The following OR52B6 variants were observed in gnomAD, a reference collection of about 807,000 sequenced individuals.
OR52B6 encodes olfactory receptor family 52 subfamily B member 6, also known as olfactory receptor 52B6.
For missense variants in OR52B6, 433 were observed against 416.8 expected (o/e 1.04, Z -0.34); for synonymous variants, 169 against 160.0 (o/e 1.06, Z -0.42).
chr11:5,581,435 T>C lies in OR52B6; in HGVS notation c.559T>C (p.Tyr187His), dbSNP rs781412409. The C allele has an allele frequency of 2.5e-6, 4 of 1,614,124 alleles. No homozygotes were observed. The Admixed American group carries it at 6.7e-5, about 27-fold the overall frequency. Reference sequence around the variant, plus strand: ...CATCTTTCTCCTTGAGCACCTGCACTATTGCCAGATCAATATCATTGCACA... The same window carrying C: ...CATCTTTCTCCTTGAGCACCTGCACCATTGCCAGATCAATATCATTGCACA... ...PSIFLLEHLH[Y>H]CQINIIAHTF... Residue 187 changes from tyrosine (Y) to histidine (H), a missense_variant, in exon 1 of 1, where the codon TAT (tyrosine) becomes CAT (histidine). Transcript: ENST00000345043.
In OR52B6 at chr11:5,581,076, G is replaced by C. The variant is rs764615569; in HGVS notation, c.200G>C (p.Cys67Ser). ...CTGGAAGGCAATGGCATCCTAATTT[G>C]TGTCATCCTCTCCCAGGCAATCCTG... Reference protein sequence around the residue: ...TALEGNGILICVILSQAILHE... With the variant: ...TALEGNGILISVILSQAILHE... The change falls in exon 1 of 1, where the codon TGT (cysteine) becomes TCT (serine). Residue 67 changes from cysteine to serine, a missense_variant. Cys to Ser is a moderately radical substitution (Grantham distance 112, BLOSUM62 -1). Transcript: ENST00000345043. The C allele has an allele frequency of 6.2e-6, 10 of 1,613,986 alleles. No individual in the cohort carries two copies. The highest frequency in any genetic ancestry group is 1.7e-4 in the Middle Eastern group (1 of 6,060).
In OR52B6 at chr11:5,581,094, C is replaced by A. The variant is rs1847161212; in HGVS notation, c.218C>A (p.Ala73Glu). Residue 73 changes from alanine (A) to glutamate (E), a missense_variant, in exon 1 of 1, where the codon GCA (alanine) becomes GAA (glutamate). Physicochemically the swap from Ala to Glu is moderately radical, Grantham distance 107 (BLOSUM62 -1). Transcript: ENST00000345043. Reference sequence around the variant, plus strand: ...CTAATTTGTGTCATCCTCTCCCAGGCAATCCTGCATGAGCCCATGTACATA... The same window carrying A: ...CTAATTTGTGTCATCCTCTCCCAGGAAATCCTGCATGAGCCCATGTACATA... The part of the protein sequence containing the change: ...GILICVILSQ[A>E]ILHEPMYIFL... 1 of 1,614,064 alleles carries A rather than the reference C, an allele frequency of 6.2e-7. No individual in the cohort carries two copies. The highest frequency in any genetic ancestry group is 1.1e-5 in the South Asian group (1 of 91,084).
At position 5,581,272 on chromosome 11, in the gene OR52B6, T is replaced by C; in HGVS notation, c.396T>C (p.Ala132=). 6.2e-7 allele frequency: 1 copy of C among 1,614,172 alleles called. No individual in the cohort carries two copies. Among genetic ancestry groups the C allele is most frequent in the African/African-American group, 1.3e-5 (1 of 75,070 alleles). The change falls in exon 1 of 1, where the codon GCT becomes GCC. Residue 132 remains alanine (A), a synonymous_variant. Coordinates refer to ENST00000345043, the MANE Select transcript of OR52B6 (RefSeq NM_001005162.2). ...FFIHFLFIHS[A]VLLAMAFDRY... is the part of the protein sequence containing the mutation. ...TTCACTTCCTCTTCATTCACTCTGC[T>C]GTCCTGCTGGCCATGGCCTTTGACC...
rs765465772 is a variant in OR52B6 at position 5,581,370 on chromosome 11, C to A, written c.494C>A (p.Thr165Asn). 6.2e-6 allele frequency: 10 copies of A among 1,613,436 alleles called. No individual in the cohort carries two copies. The highest frequency in any genetic ancestry group is 8.5e-6 in the Non-Finnish European group (10 of 1,179,730). The change falls in exon 1 of 1, where the codon ACT becomes AAT. Residue 165 changes from threonine to asparagine, a missense_variant. Coordinates refer to ENST00000345043, the MANE Select transcript of OR52B6 (RefSeq NM_001005162.2). Reference protein sequence around the residue: ...LTSKVIGKIVTAALSHSFIIM... With the variant: ...LTSKVIGKIVNAALSHSFIIM... ...AGCAAGGTCATTGGGAAGATCGTCA[C>A]TGCCGCCCTGAGCCACAGCTTCATC...
chr11:5,581,853 T>A lies in OR52B6; in HGVS notation c.977T>A (p.Met326Lys), dbSNP rs758282617. The change falls in exon 1 of 1, where the codon ATG (methionine) becomes AAG (lysine). Residue 326 changes from methionine (M) to lysine (K), a missense_variant. Coordinates refer to ENST00000345043, the MANE Select transcript of OR52B6 (RefSeq NM_001005162.2). Reference sequence around the variant, plus strand: ...CCAATACTGGAAGGGGCTAAGCAGATGTTTTCAAATCTTGCCAAAGGATCT... The same window carrying A: ...CCAATACTGGAAGGGGCTAAGCAGAAGTTTTCAAATCTTGCCAAAGGATCT... ...TKPILEGAKQ[M>K]FSNLAKGSK 55 of 1,590,558 alleles carry A rather than the reference T, an allele frequency of 3.5e-5. No homozygotes were observed. In the South Asian group the frequency reaches 4.7e-4, roughly 14 times the overall value.
Position 5,581,077 on chromosome 11 carries a change from T to C in OR52B6, c.201T>C (p.Cys67=). The change falls in exon 1 of 1, where the codon TGT becomes TGC. Residue 67 remains cysteine, a synonymous_variant. Coordinates refer to ENST00000345043, the MANE Select transcript of OR52B6 (RefSeq NM_001005162.2). The part of the protein sequence containing the change: ...TALEGNGILI[C]VILSQAILHE... ...TGGAAGGCAATGGCATCCTAATTTG[T>C]GTCATCCTCTCCCAGGCAATCCTGC... 1 of 1,614,058 alleles carries C rather than the reference T, an allele frequency of 6.2e-7. No homozygotes were observed. The highest frequency in any genetic ancestry group is 8.5e-7 in the Non-Finnish European group (1 of 1,179,914).
chr11:5,581,453 A>G lies in OR52B6; in HGVS notation c.577A>G (p.Ile193Val). ...EHLHYCQINI[I>V]AHTFCEHMGI... ...CCTGCACTATTGCCAGATCAATATC[A>G]TTGCACACACATTTTGTGAGCACAT... Residue 193 changes from isoleucine to valine, a missense_variant, in exon 1 of 1, where the codon ATT (isoleucine) becomes GTT (valine). Ile to Val is a conservative substitution (Grantham distance 29). Transcript: ENST00000345043. 1 of 1,613,950 alleles carries G rather than the reference A, an allele frequency of 6.2e-7. No homozygotes were observed. Among genetic ancestry groups the G allele is most frequent in the Non-Finnish European group, 8.5e-7 (1 of 1,179,946 alleles).
Position 5,581,521 on chromosome 11 carries a change from C to T in OR52B6, c.645C>T (p.Val215=), listed in dbSNP as rs1847166607. The change falls in exon 1 of 1, where the codon GTC becomes GTT. Residue 215 remains valine (V), a synonymous_variant. Transcript: ENST00000345043. ...CCTGTTCTGATATCTCCATCAATGT[C>T]TGGTATGGGTTGGCAGCTGCTCTTC... is the stretch of plus-strand genomic sequence containing the variant. ...HLSCSDISIN[V]WYGLAAALLS... 3.1e-6 allele frequency: 5 copies of T among 1,614,006 alleles called. No individual in the cohort carries two copies. Among genetic ancestry groups the T allele is most frequent in the Non-Finnish European group, 4.2e-6 (5 of 1,179,948 alleles).
chr11:5,581,820 G>A lies in OR52B6; in HGVS notation c.944G>A (p.Arg315Lys), dbSNP rs377549706. 27 of 1,612,526 alleles carry A rather than the reference G, an allele frequency of 1.7e-5. No homozygotes were observed. The African/African-American group carries it at 2.0e-4, about 12-fold the overall frequency. ...CTCAATCCCGTTATTTATGGAGTGAGGACTAAGCCAATACTGGAAGGGGCT... is the reference window on the plus strand; with the variant it reads ...CTCAATCCCGTTATTTATGGAGTGAAGACTAAGCCAATACTGGAAGGGGCT... ...PMLNPVIYGV[R>K]TKPILEGAKQ... The change falls in exon 1 of 1, where the codon AGG becomes AAG. Residue 315 changes from arginine (R) to lysine (K), a missense_variant. Physicochemically the swap from Arg to Lys is conservative, Grantham distance 26. Transcript: ENST00000345043.
In OR52B6 at chr11:5,580,962, T is replaced by C; in HGVS notation, c.86T>C (p.Ile29Thr). 6.2e-7 allele frequency: 1 copy of C among 1,613,790 alleles called. No individual in the cohort carries two copies. Among genetic ancestry groups the C allele is most frequent in the Non-Finnish European group, 8.5e-7 (1 of 1,179,764 alleles). Residue 29 changes from isoleucine (I) to threonine (T), a missense_variant, in exon 1 of 1, where the codon ATA becomes ACA. Transcript: ENST00000345043. ...IGAMNNSDTR[I>T]AGCFLTGIPG... ...GCTATGAACAACTCTGACACTCGCA[T>C]AGCAGGCTGCTTCCTCACTGGCATC...
Position 5,581,840 on chromosome 11 carries a change from G to A in OR52B6, c.964G>A (p.Gly322Arg), listed in dbSNP as rs753382109. Residue 322 changes from glycine to arginine, a missense_variant, in exon 1 of 1, where the codon GGG becomes AGG. By Grantham distance (125) the Gly-to-Arg change is moderately radical. Transcript: ENST00000345043. ...AGTGAGGACTAAGCCAATACTGGAA[G>A]GGGCTAAGCAGATGTTTTCAAATCT... ...YGVRTKPILE[G>R]AKQMFSNLAK... The A allele has an allele frequency of 6.3e-7, 1 of 1,597,162 alleles. No homozygotes were observed. Among genetic ancestry groups the A allele is most frequent in the Non-Finnish European group, 8.5e-7 (1 of 1,175,172 alleles).
In OR52B6 at chr11:5,581,666, A is replaced by G. The variant is rs527320247; in HGVS notation, c.790A>G (p.Ile264Val). The G allele has an allele frequency of 1.2e-6, 2 of 1,613,932 alleles. No individual in the cohort carries two copies. The highest frequency in any genetic ancestry group is 1.1e-5 in the South Asian group (1 of 91,064). ...SKALSTCGSH[I>V]CVILLFYVPA... ...GGCCCTGAGTACCTGTGGATCCCAT[A>G]TCTGTGTCATCCTACTCTTCTATGT... The change falls in exon 1 of 1, where the codon ATC becomes GTC. Residue 264 changes from isoleucine (I) to valine (V), a missense_variant. By Grantham distance (29) the Ile-to-Val change is conservative. Coordinates refer to ENST00000345043, the MANE Select transcript of OR52B6 (RefSeq NM_001005162.2).
At position 5,581,457 on chromosome 11, in the gene OR52B6, C is replaced by G. The variant is rs768366456; in HGVS notation, c.581C>G (p.Ala194Gly). 1.2e-5 allele frequency: 19 copies of G among 1,614,050 alleles called. No homozygotes were observed. The highest frequency in any genetic ancestry group is 1.5e-5 in the Non-Finnish European group (18 of 1,179,994). The stretch of plus-strand genomic sequence containing the variant: ...CACTATTGCCAGATCAATATCATTG[C>G]ACACACATTTTGTGAGCACATGGGC... ...HLHYCQINII[A>G]HTFCEHMGIA... The change falls in exon 1 of 1, where the codon GCA (alanine) becomes GGA (glycine). Residue 194 changes from alanine (A) to glycine (G), a missense_variant. Coordinates refer to ENST00000345043, the MANE Select transcript of OR52B6 (RefSeq NM_001005162.2).
At position 5,581,462 on chromosome 11, in the gene OR52B6, A is replaced by G. The variant is rs545067728; in HGVS notation, c.586A>G (p.Thr196Ala). 1.0e-4 allele frequency: 166 copies of G among 1,614,026 alleles called. No homozygotes were observed. In the South Asian group the frequency reaches 1.7e-3, roughly 17 times the overall value. Residue 196 changes from threonine to alanine, a missense_variant, in exon 1 of 1, where the codon ACA becomes GCA. Thr to Ala is a moderately conservative substitution (Grantham distance 58). Coordinates refer to ENST00000345043, the MANE Select transcript of OR52B6 (RefSeq NM_001005162.2). Reference sequence around the variant, plus strand: ...TTGCCAGATCAATATCATTGCACACACATTTTGTGAGCACATGGGCATTGC... The same window carrying G: ...TTGCCAGATCAATATCATTGCACACGCATTTTGTGAGCACATGGGCATTGC... ...HYCQINIIAHTFCEHMGIAHL... is the reference protein window; with the variant it reads ...HYCQINIIAHAFCEHMGIAHL...
At position 5,581,215 on chromosome 11, in the gene OR52B6, C is replaced by T. The variant is rs1277880757; in HGVS notation, c.339C>T (p.Ser113=). ...TGTGGCTAGGTTATAGCCTCATTTC[C>T]TTTGATGGCTGCCTCACTCAGATGT... ...ANLWLGYSLI[S]FDGCLTQMFF... is the part of the protein sequence containing the mutation. The change falls in exon 1 of 1, where the codon TCC becomes TCT. Residue 113 remains serine, a synonymous_variant. Coordinates refer to ENST00000345043, the MANE Select transcript of OR52B6 (RefSeq NM_001005162.2). 8.1e-6 allele frequency: 13 copies of T among 1,613,812 alleles called. No homozygotes were observed. Among genetic ancestry groups the T allele is most frequent in the Non-Finnish European group, 1.1e-5 (13 of 1,179,822 alleles).
Position 5,581,080 on chromosome 11 carries a change from C to T in OR52B6, c.204C>T (p.Val68=), listed in dbSNP as rs749885566. Residue 68 remains valine, a synonymous_variant, in exon 1 of 1, where the codon GTC becomes GTT. Coordinates refer to ENST00000345043, the MANE Select transcript of OR52B6 (RefSeq NM_001005162.2). ...AAGGCAATGGCATCCTAATTTGTGT[C>T]ATCCTCTCCCAGGCAATCCTGCATG... is the stretch of plus-strand genomic sequence containing the variant. ...ALEGNGILIC[V]ILSQAILHEP... The T allele has an allele frequency of 3.0e-5, 48 of 1,613,930 alleles. No homozygotes were observed. The Admixed American group carries it at 3.2e-4, about 11-fold the overall frequency.
At position 5,581,427 on chromosome 11, in the gene OR52B6, AC is replaced by A. The variant is rs769917524; in HGVS notation, c.553del (p.Leu185CysfsTer44). On this transcript the variant is annotated frameshift_variant, in exon 1 of 1. Coordinates refer to ENST00000345043, the MANE Select transcript of OR52B6 (RefSeq NM_001005162.2). LOFTEE classifies it low-confidence loss of function (END_TRUNC). ...IMFPSIFLLE[H>X]LHYCQINIIA... ...TTTCCATCCATCTTTCTCCTTGAGC[AC>A]CTGCACTATTGCCAGATCAATATCA... The A allele has an allele frequency of 6.2e-7, 1 of 1,614,032 alleles. No individual in the cohort carries two copies. The highest frequency in any genetic ancestry group is 1.7e-5 in the Admixed American group (1 of 60,018).
In OR52B6 at chr11:5,581,796, T is replaced by C. The variant is rs1847171366; in HGVS notation, c.920T>C (p.Leu307Pro). ...CTCTACGTTGTCATTCCTCCTATGCTCAATCCCGTTATTTATGGAGTGAGG... is the reference window on the plus strand; with the variant it reads ...CTCTACGTTGTCATTCCTCCTATGCCCAATCCCGTTATTTATGGAGTGAGG... Reference protein sequence around the residue: ...ASLYVVIPPMLNPVIYGVRTK... With the variant: ...ASLYVVIPPMPNPVIYGVRTK... Residue 307 changes from leucine to proline, a missense_variant, in exon 1 of 1, where the codon CTC (leucine) becomes CCC (proline). Coordinates refer to ENST00000345043, the MANE Select transcript of OR52B6 (RefSeq NM_001005162.2). The C allele has an allele frequency of 6.2e-7, 1 of 1,613,698 alleles. No homozygotes were observed. The highest frequency in any genetic ancestry group is 1.3e-5 in the African/African-American group (1 of 74,902).
Position 5,581,253 on chromosome 11 carries a change from T to G in OR52B6, c.377T>G (p.Phe126Cys). 1.2e-6 allele frequency: 2 copies of G among 1,614,118 alleles called. No homozygotes were observed. The highest frequency in any genetic ancestry group is 1.7e-6 in the Non-Finnish European group (2 of 1,180,000). Residue 126 changes from phenylalanine to cysteine, a missense_variant, in exon 1 of 1, where the codon TTC becomes TGC. Transcript: ENST00000345043. ...GCLTQMFFIHFLFIHSAVLLA... is the reference protein window; with the variant it reads ...GCLTQMFFIHCLFIHSAVLLA... ...CTCACTCAGATGTTCTTCATTCACT[T>G]CCTCTTCATTCACTCTGCTGTCCTG...
Sources: allele counts gnomAD v4.1 joint callset, GRCh38; gene constraint gnomAD v4.1.1; transcripts MANE v1.5; gene names NCBI Gene and HGNC (gene_info 2026-07-23, HGNC 2026-07-21).